The following AUTS2 variants were observed in gnomAD, a reference collection of about 807,000 sequenced individuals.
AUTS2 encodes autism susceptibility gene 2 protein.
A neutral mutation model predicts 112.4 loss-of-function variants in AUTS2; 17 were observed. The ratio of observed to expected loss-of-function variants is 0.15; its 90% CI spans 0.10 to 0.23. The LOEUF is 0.23. AUTS2 is among the 10% of genes least tolerant of loss of function. The probability of loss-of-function intolerance (pLI) is 1.00; values close to 1 mark genes in which losing one functional copy is unlikely to be tolerated. For missense variants in AUTS2, 1,510 were observed against 1,701.6 expected (o/e 0.89, Z 1.98); for synonymous variants, 751 against 702.7 (o/e 1.07, Z -1.09).
intron 5 of AUTS2, among the ~76,000 whole-genome samples, chr7:70,522,389 ATGATCCC>A (rs1381326595): frequency 6.6e-6 from 1 of 152,128 alleles, no homozygotes; most frequent in Non-Finnish European, 1.5e-5. Context: ...TGAGGCATGA[ATGATCCC>A]ATCACCAGAT....
At chr7:70,143,811 T>G (rs1806986810) in intron 4 of AUTS2, among the ~76,000 whole-genome samples, 1 of 152,198 alleles carries the variant, frequency 6.6e-6, no homozygotes, top group South Asian at 2.1e-4. Context: ...TGAAGCCAGA[T>G]AATTGCAGTG....
intron 1 of AUTS2, among the ~76,000 whole-genome samples, chr7:69,859,929 G>C (rs568574109): frequency 6.6e-6 from 1 of 152,272 alleles, no homozygotes; most frequent in Admixed American, 6.5e-5. Flanking sequence ...TGTTCCTGGG[G>C]TAGACAGGTA....
chr7:70,629,599 C>T (rs1001483904), intron 5 of AUTS2, among the ~76,000 whole-genome samples: 3 of 152,138 alleles, frequency 2.0e-5, no homozygotes, highest in Admixed American at 6.5e-5. Context: ...TGAATAGAGG[C>T]AGGCGCGTCT....
At chr7:70,546,640 A>T (rs1036765072) in intron 5 of AUTS2, among the ~76,000 whole-genome samples, 7 of 151,586 alleles carry the variant, frequency 4.6e-5, no homozygotes, top group Admixed American at 2.6e-4. Flanking sequence ...TTAGCCGGGC[A>T]TGGTGGCGGG....
At chr7:70,672,940 A>C (rs926299737) in intron 5 of AUTS2, among the ~76,000 whole-genome samples, 1 of 152,212 alleles carries the variant, frequency 6.6e-6, no homozygotes, top group African/African-American at 2.4e-5. Context: ...CTCCCATGCT[A>C]GTCAAAACAA....
At chr7:70,242,351 C>T (rs1812659511) in intron 4 of AUTS2, among the ~76,000 whole-genome samples, 1 of 152,116 alleles carries the variant, frequency 6.6e-6, no homozygotes, top group Non-Finnish European at 1.5e-5. Context: ...TCTTCAGAGG[C>T]CTCTCAGTTC....
chr7:69,835,346 G>A (rs777334512), intron 1 of AUTS2, among the ~76,000 whole-genome samples: 5 of 152,040 alleles, frequency 3.3e-5, no homozygotes, highest in East Asian at 1.9e-4. Context: ...TATCTGTGAC[G>A]GTTTTCTTTT....
intron 1 of AUTS2, among the ~76,000 whole-genome samples, chr7:69,680,790 C>T (rs536394122): frequency 1.5e-4 from 23 of 152,296 alleles, no homozygotes; most frequent in African/African-American, 5.5e-4. Flanking sequence ...CTGCCTCACC[C>T]TCCTGAGTAG....
intron 5 of AUTS2, among the ~76,000 whole-genome samples, chr7:70,573,134 G>T (rs1802019903): frequency 6.6e-6 from 1 of 152,220 alleles, no homozygotes; most frequent in African/African-American, 2.4e-5. Context: ...AAACTAGATA[G>T]AGGCCTTAGG....
chr7:69,692,219 G>A (rs1487940429), intron 1 of AUTS2, among the ~76,000 whole-genome samples: 1 of 152,208 alleles, frequency 6.6e-6, no homozygotes, highest in South Asian at 2.1e-4. Flanking sequence ...TAGAACAAAC[G>A]TAATTTTTTG....
chr7:69,820,371 G>C (rs904889090), intron 1 of AUTS2, among the ~76,000 whole-genome samples: 4 of 152,220 alleles, frequency 2.6e-5, no homozygotes, highest in Non-Finnish European at 4.4e-5. Flanking sequence ...CAGACAAGGA[G>C]CACCCTAATT....
chr7:70,503,340 A>G (rs1370597507), intron 5 of AUTS2, among the ~76,000 whole-genome samples: 2 of 151,920 alleles, frequency 1.3e-5, no homozygotes, highest in Non-Finnish European at 2.9e-5. Flanking sequence ...GTAGCATTAG[A>G]TTTACAAAGT....
At chr7:70,274,069 A>T (rs1787818615) in intron 4 of AUTS2, among the ~76,000 whole-genome samples, 1 of 152,012 alleles carries the variant, frequency 6.6e-6, no homozygotes, top group African/African-American at 2.4e-5. Flanking sequence ...CTCTCTTTTG[A>T]TGTCTGTAAG....
chr7:70,226,811 G>A (rs1811790114), intron 4 of AUTS2, among the ~76,000 whole-genome samples: 1 of 152,196 alleles, frequency 6.6e-6, no homozygotes, highest in South Asian at 2.1e-4. Flanking sequence ...TGGAGGAAGA[G>A]TGTTGCATAG....
At chr7:70,197,607 CCCACCCGAATATT>C (rs1810258358) in intron 4 of AUTS2, among the ~76,000 whole-genome samples, 1 of 77,930 alleles carries the variant, frequency 1.3e-5, no homozygotes, top group South Asian at 5.2e-4. Flanking sequence ...TCGGGTCACT[CCCACCCGAATATT>C]GCGCTTTTCA....
At chr7:70,372,516 C>A (rs1232900717) in intron 4 of AUTS2, among the ~76,000 whole-genome samples, 1 of 152,096 alleles carries the variant, frequency 6.6e-6, no homozygotes, top group Non-Finnish European at 1.5e-5. Context: ...TAAAGAGTAT[C>A]ATGGAAGAAA....
chr7:70,632,608 C>T (rs1012243016), intron 5 of AUTS2, among the ~76,000 whole-genome samples: 2 of 152,060 alleles, frequency 1.3e-5, no homozygotes, highest in Non-Finnish European at 2.9e-5. Context: ...CTGGCTCCCA[C>T]GTCTTCCCTG....
intron 5 of AUTS2, among the ~76,000 whole-genome samples, chr7:70,459,806 GTTCAGTGAGACTCC>G (rs1385202656): frequency 1.3e-5 from 2 of 152,168 alleles, no homozygotes; most frequent in Non-Finnish European, 2.9e-5. Context: ...TGCACTGTAG[GTTCAGTGAGACTCC>G]TTCCGGGATA....
intron 1 of AUTS2, among the ~76,000 whole-genome samples, chr7:69,704,993 A>T (rs971673074): frequency 6.6e-6 from 1 of 152,058 alleles, no homozygotes; most frequent in Non-Finnish European, 1.5e-5. Flanking sequence ...CAGCCTCCCC[A>T]GTAGCTGGGA....
Sources: allele counts gnomAD v4.1 joint callset (sites outside exome capture counted in the v4.1 genomes callset), GRCh38; gene constraint gnomAD v4.1.1; transcripts MANE v1.5; gene names NCBI Gene and HGNC (gene_info 2026-07-23, HGNC 2026-07-21).